ZNF385D: variants seen among roughly 807,000 people sequenced by gnomAD.
ZNF385D encodes zinc finger protein 385D, also known as zinc finger protein 659.
ZNF385D carries 15 observed loss-of-function variants against 35.8 expected under a neutral mutation model. That is an observed-to-expected ratio of 0.42 (90% CI 0.28 to 0.64). ZNF385D has a LOEUF of 0.64. Among genes scored for constraint, ZNF385D ranks in the 30% least tolerant of loss-of-function variants. The pLI, the probability that ZNF385D is intolerant of heterozygous loss-of-function variation, is 0.23. For synonymous variants in ZNF385D, 212 were observed against 186.8 expected (o/e 1.13, Z -1.10); for missense variants, 474 against 494.6 (o/e 0.96, Z 0.39).
intron 3 of ZNF385D, among the ~76,000 whole-genome samples, chr3:21,786,649 G>A (rs2071700721): frequency 6.6e-6 from 1 of 152,186 alleles, no homozygotes; most frequent in African/African-American, 2.4e-5. Context: ...GAACAGTACA[G>A]CATTAGTGGT....
intron 2 of ZNF385D, among the ~76,000 whole-genome samples, chr3:22,338,697 CA>C (rs1695283124): frequency 1.5e-5 from 2 of 131,520 alleles, no homozygotes; most frequent in Admixed American, 7.2e-5. Flanking sequence ...ATATTCATCT[CA>C]TTTTTTTTTT....
chr3:22,262,428 A>T (rs1208892074), intron 2 of ZNF385D, among the ~76,000 whole-genome samples: 1 of 151,962 alleles, frequency 6.6e-6, no homozygotes, highest in African/African-American at 2.4e-5. Flanking sequence ...TCATTGAGAT[A>T]TTTTTTGCAT....
At chr3:21,958,616 C>T (rs1182394970) in intron 3 of ZNF385D, among the ~76,000 whole-genome samples, 1 of 152,038 alleles carries the variant, frequency 6.6e-6, no homozygotes, top group Non-Finnish European at 1.5e-5. Context: ...AACAATTTTA[C>T]CTGTAATATA....
At chr3:21,423,935 G>T (rs1342511593) in intron 7 of ZNF385D, 28 bp downstream of exon 7, 2 of 1,593,484 alleles carry the variant, frequency 1.3e-6, no homozygotes, top group Non-Finnish European at 8.6e-7. Context: ...TGGGAATAGA[G>T]GCTGGACTCT....
At chr3:22,161,789 T>G (rs1206550413) in intron 3 of ZNF385D, among the ~76,000 whole-genome samples, 1 of 152,172 alleles carries the variant, frequency 6.6e-6, no homozygotes, top group Non-Finnish European at 1.5e-5. Context: ...TTTGCTGTAA[T>G]AATATAAGTG....
intron 3 of ZNF385D, among the ~76,000 whole-genome samples, chr3:22,125,911 T>A (rs1308907166): frequency 6.6e-6 from 1 of 152,160 alleles, no homozygotes; most frequent in Non-Finnish European, 1.5e-5. Flanking sequence ...CATTTCTTTC[T>A]CTTCCCTGAT....
intron 3 of ZNF385D, among the ~76,000 whole-genome samples, chr3:22,165,255 G>A (rs575029496): frequency 2.6e-5 from 4 of 152,184 alleles, no homozygotes; most frequent in African/African-American, 9.7e-5. Flanking sequence ...GTGTGAAGGA[G>A]GGGATATATG....
intron 3 of ZNF385D, among the ~76,000 whole-genome samples, chr3:22,126,337 T>C (rs948538596): frequency 2.6e-5 from 4 of 151,094 alleles, no homozygotes; most frequent in Non-Finnish European, 4.4e-5. Flanking sequence ...TTTTCACTTT[T>C]TTGGTGTAGG....
chr3:22,275,406 C>T (rs1279853992), intron 2 of ZNF385D, among the ~76,000 whole-genome samples: 2 of 152,038 alleles, frequency 1.3e-5, no homozygotes, highest in East Asian at 3.9e-4. Flanking sequence ...TTTAATTCTT[C>T]TTTAATCAAA....
chr3:21,520,985 C>T (rs1707868875), intron 3 of ZNF385D, among the ~76,000 whole-genome samples: 1 of 152,120 alleles, frequency 6.6e-6, no homozygotes, highest in South Asian at 2.1e-4. Flanking sequence ...TGAAGAACAC[C>T]TTAGGGGAAA....
chr3:21,482,656 T>A (rs1413105321), intron 4 of ZNF385D, among the ~76,000 whole-genome samples: 2 of 152,158 alleles, frequency 1.3e-5, no homozygotes, highest in African/African-American at 4.8e-5. Context: ...AAATTTTTTT[T>A]AGAAGTGCCA....
At chr3:21,846,328 G>A (rs1158681278) in intron 3 of ZNF385D, among the ~76,000 whole-genome samples, 1 of 152,018 alleles carries the variant, frequency 6.6e-6, no homozygotes, top group Non-Finnish European at 1.5e-5. Context: ...AGTGGTACAG[G>A]CCATACCTTA....
rs996117182 is a variant in ZNF385D, at chr3:21,414,104, A to T, written c.*7110T>A. 3.3e-5 allele frequency: 5 copies of T among 152,082 alleles called. No homozygotes were observed. The highest frequency in any genetic ancestry group is 7.4e-5 in the Non-Finnish European group (5 of 67,982). 9.4% of individuals were successfully genotyped at this position (152,082 alleles called of 1,614,324 possible). On this transcript the variant is annotated 3_prime_UTR_variant, in exon 8 of 8. Transcript: ENST00000281523. The stretch of plus-strand genomic sequence containing the variant: ...CAGTGAATTAAATATTATTAGAAGA[A>T]ATTATTGACTAAGTTTCATGTGCTA...
intron 3 of ZNF385D, among the ~76,000 whole-genome samples, chr3:22,104,845 G>C (rs1702122806): frequency 6.6e-6 from 1 of 152,140 alleles, no homozygotes; most frequent in Non-Finnish European, 1.5e-5. Context: ...CTCTGAACTT[G>C]AGTGAATTAA....
Position 21,891,456 on chromosome 3 carries a change from G to A in ZNF385D, c.326-226428C>T, listed in dbSNP as rs542323931. Reference sequence around the variant, plus strand: ...CAACCCCTTATCCTGTTGGTTTTCTGAATGGCCTTATCATTGTCACACACC... The same window carrying A: ...CAACCCCTTATCCTGTTGGTTTTCTAAATGGCCTTATCATTGTCACACACC... On this transcript the variant is annotated intron_variant, in intron 3 of 5. Transcript: ENST00000494108. 6.6e-5 allele frequency among the ~76,000 whole-genome samples: 10 copies of A among 152,212 alleles called. No homozygotes were observed. In the South Asian group the frequency reaches 2.1e-3, roughly 32 times the overall value.
intron 4 of ZNF385D, among the ~76,000 whole-genome samples, chr3:21,489,351 C>T (rs1705249613): frequency 6.6e-6 from 1 of 152,026 alleles, no homozygotes; most frequent in South Asian, 2.1e-4. Context: ...AAAATAGGCA[C>T]ATTTGGTCCA....
chr3:21,859,156 G>T (rs141516144), intron 3 of ZNF385D, among the ~76,000 whole-genome samples: 1 of 152,014 alleles, frequency 6.6e-6, no homozygotes, highest in Non-Finnish European at 1.5e-5. Flanking sequence ...TAAATAGTAA[G>T]GAAACACAGG....
intron 3 of ZNF385D, among the ~76,000 whole-genome samples, chr3:21,559,723 G>A (rs532641230): frequency 3.9e-5 from 6 of 152,322 alleles, no homozygotes; most frequent in South Asian, 2.1e-4. Flanking sequence ...CTAGGTTGGG[G>A]AAGTTCTCCT....
chr3:22,276,922 C>T (rs1395680502), intron 2 of ZNF385D, among the ~76,000 whole-genome samples: 1 of 151,854 alleles, frequency 6.6e-6, no homozygotes, highest in African/African-American at 2.4e-5. Context: ...TCAGAAATAA[C>T]AAGAGATTTG....
Sources: allele counts gnomAD v4.1 joint callset (sites outside exome capture counted in the v4.1 genomes callset), GRCh38; gene constraint gnomAD v4.1.1; transcripts MANE v1.5; gene names NCBI Gene and HGNC (gene_info 2026-07-23, HGNC 2026-07-21).